DRD3: variants seen among roughly 807,000 people sequenced by gnomAD.
DRD3 encodes the protein D(3) dopamine receptor.
Under a neutral mutation model 36.3 loss-of-function variants are expected in DRD3, and 19 were observed. The observed-to-expected ratio is 0.52, with a 90% CI of 0.36 to 0.77. The LOEUF (loss-of-function observed/expected upper bound fraction) is 0.77, where lower values mean the gene tolerates loss of function less well. DRD3 is among the 30% of genes least tolerant of loss of function. The pLI is 0.00. For missense variants in DRD3, 465 were observed against 505.3 expected, an observed-to-expected ratio of 0.92 and a Z score of 0.77; for synonymous variants, 195 against 203.7, an observed-to-expected ratio of 0.96 and a Z score of 0.36.
chr3:114,175,316 T>A (rs140595501), intron 1 of DRD3, among the ~76,000 whole-genome samples: 20 of 152,288 alleles, frequency 1.3e-4, no homozygotes, highest in Admixed American at 6.5e-4. Context: ...TTAAATAAGC[T>A]GCAATTGTAA....
At chr3:114,164,958 C>T (rs2077769475) in intron 2 of DRD3, among the ~76,000 whole-genome samples, 1 of 152,156 alleles carries the variant, frequency 6.6e-6, no homozygotes, top group African/African-American at 2.4e-5. Flanking sequence ...ACCACATTGG[C>T]CAGGCTGGTG....
intron 6 of DRD3, among the ~76,000 whole-genome samples, chr3:114,130,660 T>C (rs2077421566): frequency 6.6e-6 from 1 of 152,166 alleles, no homozygotes; most frequent in Admixed American, 6.5e-5. Flanking sequence ...CCTGACCTCG[T>C]GATCTGCCCA....
At chr3:114,159,406 A>G (rs2077711555) in intron 3 of DRD3, among the ~76,000 whole-genome samples, 1 of 150,228 alleles carries the variant, frequency 6.7e-6, no homozygotes, top group Non-Finnish European at 1.5e-5. Context: ...TTTCCTACCA[A>G]CCCCAGTCAG....
At chr3:114,153,084 A>T (rs147452380) in intron 3 of DRD3, among the ~76,000 whole-genome samples, 1,675 of 152,336 alleles carry the variant, frequency 0.011, 30 homozygotes, top group African/African-American at 0.037. Flanking sequence ...TTGGTGATTA[A>T]GTCCGCGGGC....
intron 4 of DRD3, among the ~76,000 whole-genome samples, chr3:114,141,698 G>C (rs2077524896): frequency 6.6e-6 from 1 of 152,100 alleles, no homozygotes; most frequent in African/African-American, 2.4e-5. Context: ...TGAAGAGGAG[G>C]TAAAATTCAG....
chr3:114,194,524 C>T (rs1012524312), intron 1 of DRD3, among the ~76,000 whole-genome samples: 1 of 152,174 alleles, frequency 6.6e-6, no homozygotes, highest in Admixed American at 6.5e-5. Flanking sequence ...CTCAAGTAGT[C>T]CACCCACCTC....
chr3:114,173,823 T>G (rs150432982), intron 1 of DRD3, among the ~76,000 whole-genome samples: 3 of 152,164 alleles, frequency 2.0e-5, no homozygotes, highest in Non-Finnish European at 4.4e-5. Context: ...ATATAGACCT[T>G]TATGGGAACT....
intron 3 of DRD3, among the ~76,000 whole-genome samples, chr3:114,151,391 G>A (rs1329165164): frequency 1.3e-5 from 2 of 152,148 alleles, no homozygotes; most frequent in Non-Finnish European, 2.9e-5. Flanking sequence ...ATTCAGTGGT[G>A]TGCTGGTAAA....
At chr3:114,144,875 T>G (rs1322757282) in intron 4 of DRD3, among the ~76,000 whole-genome samples, 1 of 152,156 alleles carries the variant, frequency 6.6e-6, no homozygotes, top group Non-Finnish European at 1.5e-5. Context: ...TTCTGCCTTC[T>G]CAATTCTATA....
At chr3:114,186,563 C>T (rs2077976872) in intron 1 of DRD3, among the ~76,000 whole-genome samples, 1 of 152,218 alleles carries the variant, frequency 6.6e-6, no homozygotes, top group African/African-American at 2.4e-5. Flanking sequence ...GACCATAGTT[C>T]CCCTCTATTT....
intron 4 of DRD3, among the ~76,000 whole-genome samples, chr3:114,141,667 C>T (rs536503168): frequency 2.9e-4 from 44 of 152,288 alleles, no homozygotes; most frequent in Middle Eastern, 3.4e-3. Context: ...TTACAAGCTA[C>T]TCCTAAATTC....
At chr3:114,163,592 G>A (rs1468053969) in intron 2 of DRD3, among the ~76,000 whole-genome samples, 1 of 152,168 alleles carries the variant, frequency 6.6e-6, no homozygotes, top group Non-Finnish European at 1.5e-5. Flanking sequence ...TCAGAGATGT[G>A]TACAATTTAA....
rs2077397987 is a variant in DRD3 at position 114,128,642 on chromosome 3, GCA to G, written c.*72_*73del. The G allele has an allele frequency of 1.4e-6, 2 of 1,442,476 alleles. No individual in the cohort carries two copies. The highest frequency in any genetic ancestry group is 2.8e-5 in the African/African-American group (2 of 70,506). The allele number at this position is 1,442,476 out of a possible 1,614,324, so 89.4% of individuals were successfully genotyped here. A position where few individuals can be genotyped will look rare whatever the true frequency, so the allele number is the denominator to read the frequency against. On this transcript the variant is annotated 3_prime_UTR_variant, in exon 7 of 7. Transcript: ENST00000383673. ...TTCCTACTGCATGCCGGAGGACACTGCACAGTCTTTCTGAGTGGGCCAACAGC... is the reference window on the plus strand; with the variant it reads ...TTCCTACTGCATGCCGGAGGACACTGCAGTCTTTCTGAGTGGGCCAACAGC...
chr3:114,156,570 CTG>C (rs1344120255), intron 3 of DRD3, among the ~76,000 whole-genome samples: 2 of 151,746 alleles, frequency 1.3e-5, no homozygotes, highest in African/African-American at 4.8e-5. Flanking sequence ...CACTTTCTAA[CTG>C]GTCCTTCATA....
At chr3:114,153,765 T>TG (rs1330156185) in intron 3 of DRD3, among the ~76,000 whole-genome samples, 1 of 152,168 alleles carries the variant, frequency 6.6e-6, no homozygotes, top group African/African-American at 2.4e-5. Flanking sequence ...TCCTTACTCT[T>TG]GCACCACCCA....
intron 3 of DRD3, among the ~76,000 whole-genome samples, chr3:114,156,646 C>A (rs1021817697): frequency 2.0e-5 from 3 of 152,042 alleles, no homozygotes; most frequent in Admixed American, 6.6e-5. Context: ...GCCTCCTTGG[C>A]CTATTGAATA....
intron 1 of DRD3, among the ~76,000 whole-genome samples, chr3:114,196,353 C>T (rs1560008094): frequency 6.6e-6 from 1 of 152,080 alleles, no homozygotes; most frequent in African/African-American, 2.4e-5. Flanking sequence ...CTCACTCTGT[C>T]ACCCAGGCTG....
intron 3 of DRD3, among the ~76,000 whole-genome samples, chr3:114,156,801 C>T (rs909523767): frequency 5.4e-5 from 5 of 92,790 alleles, no homozygotes; most frequent in African/African-American, 2.1e-4. Context: ...CTTTCTTTCT[C>T]TTTTCTTTTT....
upstream of DRD3, among the ~76,000 whole-genome samples, chr3:114,181,870 C>T (rs551327634): frequency 6.6e-6 from 1 of 152,172 alleles, no homozygotes; most frequent in Non-Finnish European, 1.5e-5. Context: ...GAGCACCGAC[C>T]ATTGAGTACA....
Sources: gnomAD v4.1 joint callset for allele counts (sites outside exome capture counted in the v4.1 genomes callset) on GRCh38, gnomAD v4.1.1 for gene constraint, MANE v1.5 for transcripts, NCBI Gene and HGNC (gene_info 2026-07-23, HGNC 2026-07-21) for gene names.